DNAJC10: variants seen among roughly 807,000 people sequenced by gnomAD.
DNAJC10 encodes the protein endoplasmic reticulum disulfide reductase DNAJC10.
Under a neutral mutation model 115.0 loss-of-function variants are expected in DNAJC10, and 101 were observed. The observed-to-expected ratio is 0.88, with a 90% confidence interval of 0.75 to 1.04. The LOEUF is 1.04. DNAJC10 is among the 50% of genes least tolerant of loss of function. DNAJC10 has a pLI of 0.00. For missense variants in DNAJC10, 981 were observed against 928.8 expected (o/e 1.06, Z -0.73); for synonymous variants, 307 against 301.5 (o/e 1.02, Z -0.19).
intron 21 of DNAJC10, among the ~76,000 whole-genome samples, chr2:182,761,848 G>A (rs1694292986): frequency 6.6e-6 from 1 of 152,022 alleles, no homozygotes; most frequent in African/African-American, 2.4e-5. Context: ...GATCAAAGAT[G>A]GAACTCTGAT....
rs534620725 is a variant in DNAJC10, at chr2:182,722,376, A to G, written c.418+301A>G. Among the ~76,000 whole-genome samples, 13 of 152,262 alleles carry G rather than the reference A, an allele frequency of 8.5e-5. 1 individual carries two copies. Among genetic ancestry groups the G allele is most frequent in the African/African-American group, 3.1e-4 (13 of 41,564 alleles). On this transcript the variant is annotated intron_variant, in intron 5 of 23. Transcript: ENST00000264065. ...GCAAACTTACAGCAAAACTTCTCAG[A>G]GCTTTTTGATTTTAGAGTTTTGGAT...
intron 10 of DNAJC10, 68 bp downstream of exon 10, chr2:182,732,610 A>AT: frequency 6.9e-7 from 1 of 1,455,268 alleles, no homozygotes; most frequent in Non-Finnish European, 9.6e-7. Flanking sequence ...TTGATTTGAA[A>AT]CATTTTCTTC....
intron 11 of DNAJC10, chr2:182,739,631 AT>A (rs1443765788): frequency 5.7e-5 from 65 of 1,136,878 alleles, no homozygotes; most frequent in Non-Finnish European, 6.7e-5. Flanking sequence ...AATAAAGAAG[AT>A]TTGTTAGAAG....
rs1204793021 is a variant in DNAJC10 at position 182,781,006 on chromosome 2, T to C, written c.*3874T>C. 7 of 152,046 alleles carry C rather than the reference T, an allele frequency of 4.6e-5. No individual in the cohort carries two copies. Among genetic ancestry groups the C allele is most frequent in the African/African-American group, 1.4e-4 (6 of 41,412 alleles). The allele number at this position is 152,046 out of a possible 1,614,324, so 9.4% of individuals were successfully genotyped here. A position where few individuals can be genotyped will look rare whatever the true frequency, so the allele number is the denominator to read the frequency against. On this transcript the variant is annotated 3_prime_UTR_variant, in exon 24 of 24. Coordinates refer to ENST00000264065, the MANE Select transcript of DNAJC10 (RefSeq NM_018981.4). ...TTAATACTTCAAGTTCTGCAATACA[T>C]GTGCAGAACATGCAGGTTTGTTACA...
intron 10 of DNAJC10, 172 bp downstream of exon 10, chr2:182,732,714 CGTTCAATAAATT>C: frequency 1.7e-6 from 1 of 589,922 alleles, no homozygotes; most frequent in Non-Finnish European, 2.9e-6. Flanking sequence ...TAATTAGTTA[CGTTCAATAAATT>C]TTAACGTGGT....
chr2:182,721,038 C>T (rs1693138029), intron 4 of DNAJC10, among the ~76,000 whole-genome samples: 1 of 151,758 alleles, frequency 6.6e-6, no homozygotes, highest in Non-Finnish European at 1.5e-5. Flanking sequence ...AAGGAGGAAA[C>T]AAAGTAAAGG....
Position 182,786,015 on chromosome 2 carries a change from T to A in DNAJC10, c.*8883T>A, listed in dbSNP as rs1694939663. The A allele has an allele frequency of 6.6e-6, 1 of 152,184 alleles. No individual in the cohort carries two copies. Among genetic ancestry groups the A allele is most frequent in the African/African-American group, 2.4e-5 (1 of 41,448 alleles). The allele number at this position is 152,184 out of a possible 1,614,324, so 9.4% of individuals were successfully genotyped here. ...ATAATCCAGGGACTTTGGGTAGTTG[T>A]TAAATGGATGGCTGTATCATAAGTA... On this transcript the variant is annotated 3_prime_UTR_variant, in exon 24 of 24. Coordinates refer to ENST00000264065, the MANE Select transcript of DNAJC10 (RefSeq NM_018981.4).
intron 22 of DNAJC10, among the ~76,000 whole-genome samples, chr2:182,763,192 C>T (rs1170098355): frequency 6.6e-6 from 1 of 151,968 alleles, no homozygotes; most frequent in Non-Finnish European, 1.5e-5. Flanking sequence ...ATAATATTTC[C>T]TTAGTATATT....
chr2:182,733,017 G>A (rs949254498), intron 10 of DNAJC10, among the ~76,000 whole-genome samples: 19 of 151,842 alleles, frequency 1.3e-4, no homozygotes, highest in African/African-American at 4.6e-4. Context: ...TTGTGAGCTT[G>A]AATATAATAA....
At chr2:182,739,363 G>GTCTCAGTTCTC (rs1221852703) in intron 11 of DNAJC10, among the ~76,000 whole-genome samples, 13 of 151,314 alleles carry the variant, frequency 8.6e-5, no homozygotes, top group Non-Finnish European at 1.9e-4. Flanking sequence ...TGTCTAGCAT[G>GTCTCAGTTCTC]ATTAAACTGT....
At chr2:182,773,348 C>T (rs1017580503) in intron 22 of DNAJC10, among the ~76,000 whole-genome samples, 5 of 152,012 alleles carry the variant, frequency 3.3e-5, no homozygotes, top group African/African-American at 1.2e-4. Context: ...TTGTGGTGTT[C>T]TCTGTATTTC....
intron 13 of DNAJC10, among the ~76,000 whole-genome samples, chr2:182,742,197 T>G (rs778116025): frequency 1.3e-5 from 2 of 149,964 alleles, no homozygotes; most frequent in African/African-American, 2.5e-5. Context: ...TTTCTTCTCT[T>G]TTCTTTTGAG....
rs61416628 is a variant in DNAJC10 at position 182,733,782 on chromosome 2, CAGATAGATAGATAGAT to C, written c.849+1273_849+1288del. 4.4e-4 allele frequency among the ~76,000 whole-genome samples: 63 copies of C among 142,534 alleles called. No individual in the cohort carries two copies. The East Asian group carries it at 4.9e-3, about 11-fold the overall frequency. 93.5% of individuals were successfully genotyped at this position (142,534 alleles called of 152,430 possible). On this transcript the variant is annotated intron_variant, in intron 10 of 23. Transcript: ENST00000264065. ...TTATAGACTTTTCTCCAATCTCTCT[CAGATAGATAGATAGAT>C]AGATAGATAGATAGATAGATAGATA... is the stretch of plus-strand genomic sequence containing the variant.
At chr2:182,770,762 A>G (rs1290475866) in intron 22 of DNAJC10, among the ~76,000 whole-genome samples, 1 of 152,188 alleles carries the variant, frequency 6.6e-6, no homozygotes, top group Non-Finnish European at 1.5e-5. Flanking sequence ...TACAGGGACA[A>G]TTTGACTTCC....
intron 16 of DNAJC10, 30 bp downstream of exon 16, chr2:182,752,218 T>A: frequency 8.3e-7 from 1 of 1,205,418 alleles, no homozygotes; most frequent in Non-Finnish European, 1.1e-6. Context: ...ATTATTCTAA[T>A]TAATTTTATA....
chr2:182,731,461 G>A (rs1693445080), intron 9 of DNAJC10, among the ~76,000 whole-genome samples: 1 of 151,942 alleles, frequency 6.6e-6, no homozygotes. Flanking sequence ...TTGGAAATAT[G>A]GACTTTGCTT....
In DNAJC10 at chr2:182,782,638, T is replaced by A. The variant is rs1055388753; in HGVS notation, c.*5506T>A. The stretch of plus-strand genomic sequence containing the variant: ...TTCTTGAAGAGGTCCTTCACGTCCC[T>A]TGTAAGTTGTATTCCTAGGTATTTA... On this transcript the variant is annotated 3_prime_UTR_variant, in exon 24 of 24. Coordinates refer to ENST00000264065, the MANE Select transcript of DNAJC10 (RefSeq NM_018981.4). 2 of 152,248 alleles carry A rather than the reference T, an allele frequency of 1.3e-5. No homozygotes were observed. The highest frequency in any genetic ancestry group is 4.8e-5 in the African/African-American group (2 of 41,470). 9.4% of individuals were successfully genotyped at this position (152,248 alleles called of 1,614,324 possible).
intron 22 of DNAJC10, among the ~76,000 whole-genome samples, chr2:182,767,917 G>A (rs1360016931): frequency 6.6e-6 from 1 of 152,050 alleles, no homozygotes; most frequent in Non-Finnish European, 1.5e-5. Context: ...ACATTCTCAT[G>A]CACAAATAAC....
At position 182,785,147 on chromosome 2, in the gene DNAJC10, TACAG is replaced by T. The variant is rs1329439322; in HGVS notation, c.*8016_*8019del. On this transcript the variant is annotated 3_prime_UTR_variant, in exon 24 of 24. Coordinates refer to ENST00000264065, the MANE Select transcript of DNAJC10 (RefSeq NM_018981.4). ...GTATGACAATAAATTTAGAAAATCA[TACAG>T]GCACACACACTGCTATAGACATGTA... The T allele has an allele frequency of 6.6e-6, 1 of 152,186 alleles. No individual in the cohort carries two copies. The highest frequency in any genetic ancestry group is 2.4e-5 in the African/African-American group (1 of 41,440). The allele number at this position is 152,186 out of a possible 1,614,324, so 9.4% of individuals were successfully genotyped here.
Sources: gnomAD v4.1 joint callset for allele counts (sites outside exome capture counted in the v4.1 genomes callset) on GRCh38, gnomAD v4.1.1 for gene constraint, MANE v1.5 for transcripts, NCBI Gene and HGNC (gene_info 2026-07-23, HGNC 2026-07-21) for gene names.